The following NDUFB5 variants were observed in gnomAD, a reference collection of about 807,000 sequenced individuals.
NDUFB5 encodes the protein NADH:ubiquinone oxidoreductase subunit B5.
A neutral mutation model predicts 19.4 loss-of-function variants in NDUFB5; 19 were observed. That is an observed-to-expected ratio of 0.98 (90% CI 0.68 to 1.43). The LOEUF (loss-of-function observed/expected upper bound fraction) is 1.43. Among genes scored for constraint, NDUFB5 ranks in the 40% most tolerant of loss-of-function variants. NDUFB5 has a pLI of 0.00. For synonymous variants in NDUFB5, 80 were observed against 82.6 expected, an observed-to-expected ratio of 0.97 and a Z score of 0.17; for missense variants, 233 against 236.5, an observed-to-expected ratio of 0.99 and a Z score of 0.10.
intron 1 of NDUFB5, among the ~76,000 whole-genome samples, chr3:179,611,520 C>T: frequency 6.6e-6 from 1 of 151,748 alleles, no homozygotes; most frequent in Non-Finnish European, 1.5e-5. Context: ...TCAAGCGATT[C>T]TCTTGCCTCA....
At chr3:179,610,004 C>T (rs879770488) in intron 1 of NDUFB5, among the ~76,000 whole-genome samples, 6 of 152,114 alleles carry the variant, frequency 3.9e-5, no homozygotes, top group East Asian at 1.9e-4. Flanking sequence ...TGAACTTGAA[C>T]GCCTGGACTC....
At chr3:179,623,829 A>G in intron 5 of NDUFB5, 91 bp from the exon 6 acceptor site, 1 of 1,483,506 alleles carries the variant, frequency 6.7e-7, no homozygotes, top group Non-Finnish European at 9.4e-7. Context: ...ACATAAAAGC[A>G]GACTCCAGTG....
chr3:179,608,155 A>G (rs762690744), intron 1 of NDUFB5, among the ~76,000 whole-genome samples: 8 of 151,866 alleles, frequency 5.3e-5, no homozygotes, highest in Admixed American at 2.0e-4. Flanking sequence ...AATGAGATGC[A>G]GATGAACTGG....
chr3:179,614,125 A>G (rs576686847), intron 1 of NDUFB5, among the ~76,000 whole-genome samples: 20 of 152,348 alleles, frequency 1.3e-4, no homozygotes, highest in Middle Eastern at 3.4e-3. Context: ...GTTTCTAAGT[A>G]ACAGCTAGAT....
chr3:179,615,616 G>A (rs1331343893), intron 2 of NDUFB5: 1 of 472,904 alleles, frequency 2.1e-6, no homozygotes, highest in Non-Finnish European at 4.2e-6. Flanking sequence ...ATCTGCCACG[G>A]TAGATAAAGC....
rs760401230 is a variant in NDUFB5, at chr3:179,615,018, A to G, written c.172A>G (p.Arg58Gly). The G allele has an allele frequency of 6.2e-7, 1 of 1,609,744 alleles. No homozygotes were observed. The highest frequency in any genetic ancestry group is 1.1e-5 in the South Asian group (1 of 90,388). The change falls in exon 2 of 6, where the codon AGA becomes GGA. Residue 58 changes from arginine (R) to glycine (G), a missense_variant. Coordinates refer to ENST00000259037, the MANE Select transcript of NDUFB5 (RefSeq NM_002492.4). ...GDHGKRLFVI[R>G]PSRFYDRRFL... is the part of the protein sequence containing the mutation. ...CCATGGGAAAAGACTATTTGTCATC[A>G]GACCTTCTAGATTCTATGACAGGCG...
chr3:179,608,352 C>T lies in NDUFB5; in HGVS notation c.124+3413C>T, dbSNP rs141123584. On this transcript the variant is annotated intron_variant, in intron 1 of 5. Transcript: ENST00000259037. ...GATTACAGGTGCACACCTCCATGCC[C>T]GGCTAATTTTTTGTATTTTTAGTAG... Among the ~76,000 whole-genome samples, 1,203 of 152,044 alleles carry T rather than the reference C, an allele frequency of 7.9e-3. 18 individuals are homozygous for T. The highest frequency in any genetic ancestry group is 0.027 in the African/African-American group (1,135 of 41,460).
rs142593342 is a variant in NDUFB5, at chr3:179,611,344, A to G, written c.125-3627A>G. 2.8e-3 allele frequency among the ~76,000 whole-genome samples: 430 copies of G among 152,310 alleles called. 11 individuals carry two copies. The highest frequency in any genetic ancestry group is 1.5e-3 in the East Asian group (8 of 5,182). On this transcript the variant is annotated intron_variant, in intron 1 of 5. Transcript: ENST00000259037. ...GGAAGATGATTGAGATTTTTATCCA[A>G]GGTAATTGAGATGGTGGTGCCCTTT...
rs1458752526 is a variant in NDUFB5, at chr3:179,627,159, T to C, written c.*3119T>C. ...GGTGGAGGAGATGCCACACACTGTT[T>C]TAAACAACCAGATCTCTCAGGAACT... is the stretch of plus-strand genomic sequence containing the variant. On this transcript the variant is annotated 3_prime_UTR_variant, in exon 6 of 6. Coordinates refer to ENST00000259037, the MANE Select transcript of NDUFB5 (RefSeq NM_002492.4). 1.3e-5 allele frequency: 2 copies of C among 152,098 alleles called. No homozygotes were observed. The highest frequency in any genetic ancestry group is 3.9e-4 in the East Asian group (2 of 5,174). The allele number at this position is 152,098 out of a possible 1,614,324, so 9.4% of individuals were successfully genotyped here.
At position 179,617,042 on chromosome 3, in the gene NDUFB5, A is replaced by C. The variant is rs1432014621; in HGVS notation, c.340A>C (p.Lys114Gln). The change falls in exon 4 of 6, where the codon AAG (lysine) becomes CAG (glutamine). Residue 114 changes from lysine (K) to glutamine (Q), a missense_variant and splice_region_variant. Coordinates refer to ENST00000259037, the MANE Select transcript of NDUFB5 (RefSeq NM_002492.4). ...GYVPEHWEYY[K>Q]HPISRWIARN... The stretch of plus-strand genomic sequence containing the variant: ...TGTCCCAGAACACTGGGAATATTAT[A>C]AGGTTTGTATAGGACATTGACAATT... 6.2e-7 allele frequency: 1 copy of C among 1,607,580 alleles called. No individual in the cohort carries two copies. Among genetic ancestry groups the C allele is most frequent in the Non-Finnish European group, 8.5e-7 (1 of 1,174,552 alleles).
chr3:179,617,810 G>T (rs777890205), intron 4 of NDUFB5, among the ~76,000 whole-genome samples: 1 of 152,116 alleles, frequency 6.6e-6, no homozygotes, highest in Non-Finnish European at 1.5e-5. Context: ...TCTAGATGGG[G>T]TCACTATTTC....
rs9865696 is a variant in NDUFB5 at position 179,621,674 on chromosome 3, G to A, written c.450-2246G>A. 8.8e-3 allele frequency among the ~76,000 whole-genome samples: 1,336 copies of A among 151,538 alleles called. 28 individuals are homozygous for A. The highest frequency in any genetic ancestry group is 0.03 in the African/African-American group (1,259 of 41,316). The stretch of plus-strand genomic sequence containing the variant: ...CCCGCAAATTTTTGTATTTTTAGTA[G>A]AGACCGGGTTTTGCCAGGCTGGTCT... On this transcript the variant is annotated intron_variant, in intron 5 of 5. Transcript: ENST00000259037.
intron 1 of NDUFB5, among the ~76,000 whole-genome samples, chr3:179,605,687 T>C (rs1398834476): frequency 6.6e-6 from 1 of 152,198 alleles, no homozygotes; most frequent in African/African-American, 2.4e-5. Context: ...GCCTGTATTA[T>C]GTTCGTTTTA....
chr3:179,607,849 C>A, intron 1 of NDUFB5: 1 of 699,522 alleles, frequency 1.4e-6, no homozygotes, highest in Non-Finnish European at 2.6e-6. Flanking sequence ...TGTCACTTAG[C>A]ATAATATCCC....
chr3:179,614,942 T>C, intron 1 of NDUFB5, 29 bp from the exon 2 acceptor site: 1 of 1,492,384 alleles, frequency 6.7e-7, no homozygotes, highest in Non-Finnish European at 9.3e-7. Context: ...ATGAACCTTG[T>C]ATAAAACAGG....
intron 1 of NDUFB5, among the ~76,000 whole-genome samples, chr3:179,612,310 AC>A (rs1326606470): frequency 6.6e-6 from 1 of 150,542 alleles, no homozygotes; most frequent in Non-Finnish European, 1.5e-5. Flanking sequence ...ATAGCAAAAA[AC>A]CTTGTCTCTG....
chr3:179,605,007 G>A, intron 1 of NDUFB5, 68 bp downstream of exon 1: 1 of 1,468,452 alleles, frequency 6.8e-7, no homozygotes, highest in East Asian at 2.5e-5. Flanking sequence ...GACGCTTCCA[G>A]GGTGACCTTG....
Position 179,615,041 on chromosome 3 carries a change from G to T in NDUFB5, c.195G>T (p.Arg65Ser). Residue 65 changes from arginine (R) to serine (S), a missense_variant, in exon 2 of 6, where the codon AGG (arginine) becomes AGT (serine). Transcript: ENST00000259037. Reference protein sequence around the residue: ...FVIRPSRFYDRRFLKLLRFYI... With the variant: ...FVIRPSRFYDSRFLKLLRFYI... ...TCAGACCTTCTAGATTCTATGACAG[G>T]CGTTTTTTGAAGTTATTGGTAAGTT... 6.2e-7 allele frequency: 1 copy of T among 1,605,912 alleles called. No individual in the cohort carries two copies.
intron 1 of NDUFB5, 125 bp from the exon 2 acceptor site, chr3:179,614,846 C>G (rs1719334228): frequency 1.7e-5 from 10 of 593,032 alleles, no homozygotes; most frequent in Non-Finnish European, 2.7e-5. Flanking sequence ...AGTGTGAAAA[C>G]CCAGTCATCC....
Sources: allele counts gnomAD v4.1 joint callset (sites outside exome capture counted in the v4.1 genomes callset), GRCh38; gene constraint gnomAD v4.1.1; transcripts MANE v1.5; gene names NCBI Gene and HGNC (gene_info 2026-07-23, HGNC 2026-07-21).